NLRP11: variants seen among roughly 807,000 people sequenced by gnomAD.
NLRP11 encodes the protein NACHT, LRR and PYD domains-containing protein 11.
Under a neutral mutation model 79.3 loss-of-function variants are expected in NLRP11, and 53 were observed. The observed-to-expected ratio is 0.67, with a 90% CI of 0.54 to 0.84. NLRP11 has a LOEUF of 0.84. Among genes scored for constraint, NLRP11 ranks in the 40% least tolerant of loss-of-function variants. The probability of loss-of-function intolerance (pLI) is 0.00; values close to 1 mark genes in which losing one functional copy is unlikely to be tolerated. For synonymous variants in NLRP11, 518 were observed against 462.6 expected (o/e 1.12, Z -1.54); for missense variants, 1,264 against 1,255.0 (o/e 1.01, Z -0.11).
chr19:55,800,253 T>C (rs188103930), intron 5 of NLRP11, among the ~76,000 whole-genome samples: 10 of 152,332 alleles, frequency 6.6e-5, no homozygotes, highest in Admixed American at 5.2e-4. Context: ...GTGGCTAGCA[T>C]GACTGAGGCA....
chr19:55,829,972 T>C (rs1479660308), intron 1 of NLRP11, among the ~76,000 whole-genome samples: 1 of 152,222 alleles, frequency 6.6e-6, no homozygotes, highest in Non-Finnish European at 1.5e-5. Context: ...ATATCTGACT[T>C]TAATTTTTTA....
chr19:55,830,178 C>G (rs117195519), intron 1 of NLRP11, among the ~76,000 whole-genome samples: 5 of 152,184 alleles, frequency 3.3e-5, no homozygotes, highest in East Asian at 1.9e-4. Flanking sequence ...GTTTTTCCCC[C>G]CTAAGTGAAC....
chr19:55,807,454 C>T (rs968861776), intron 4 of NLRP11, among the ~76,000 whole-genome samples: 1 of 152,010 alleles, frequency 6.6e-6, no homozygotes, highest in Non-Finnish European at 1.5e-5. Flanking sequence ...TTCCTGATTC[C>T]AAGAGACTAC....
intron 2 of NLRP11, among the ~76,000 whole-genome samples, chr19:55,812,581 G>A (rs1980708151): frequency 2.0e-5 from 3 of 152,176 alleles, no homozygotes; most frequent in African/African-American, 4.8e-5. Context: ...ATATTATCAA[G>A]AAGACAAACG....
At chr19:55,823,094 GGTCC>G (rs1981954175) in intron 1 of NLRP11, among the ~76,000 whole-genome samples, 2 of 147,344 alleles carry the variant, frequency 1.4e-5, no homozygotes, top group Non-Finnish European at 3.0e-5. Context: ...TCCTCAAGTG[GGTCC>G]CTGACCCCTG....
chr19:55,836,375 A>G (rs537689855), upstream of NLRP11: 1 of 152,240 alleles, frequency 6.6e-6, no homozygotes, highest in South Asian at 2.1e-4. Context: ...CGACACCAGG[A>G]GCAAAGGTCT....
intron 4 of NLRP11, among the ~76,000 whole-genome samples, chr19:55,805,788 C>T (rs1028340446): frequency 6.6e-6 from 1 of 152,158 alleles, no homozygotes; most frequent in Non-Finnish European, 1.5e-5. Flanking sequence ...GATCCACCCG[C>T]CTCAGCCTCT....
At position 55,808,466 on chromosome 19, in the gene NLRP11, G is replaced by A. The variant is rs558630501; in HGVS notation, c.1841+303C>T. On this transcript the variant is annotated intron_variant, in intron 3 of 9. Transcript: ENST00000589093. ...TAAGATTTTTGTTGCTGTCACAAAC[G>A]GGGAAAAGGGGACCCTACTGGCCAC... is the stretch of plus-strand genomic sequence containing the variant. Among the ~76,000 whole-genome samples, 26 of 151,862 alleles carry A rather than the reference G, an allele frequency of 1.7e-4. 1 individual carries two copies. In the East Asian group the frequency reaches 4.4e-3, roughly 26 times the overall value.
At chr19:55,804,426 T>TA (rs1273702286) in intron 4 of NLRP11, among the ~76,000 whole-genome samples, 15 of 150,180 alleles carry the variant, frequency 1.0e-4, no homozygotes, top group Non-Finnish European at 1.6e-4. Flanking sequence ...TATGCAGCCA[T>TA]AAAAAAGAGA....
intron 1 of NLRP11, among the ~76,000 whole-genome samples, chr19:55,828,205 G>A (rs984433313): frequency 6.8e-6 from 1 of 147,552 alleles, no homozygotes; most frequent in African/African-American, 2.5e-5. Flanking sequence ...TCATAGGTGG[G>A]AATTGAACAA....
chr19:55,811,527 TC>T (rs150108517), intron 2 of NLRP11, among the ~76,000 whole-genome samples: 13 of 151,650 alleles, frequency 8.6e-5, no homozygotes, highest in South Asian at 2.1e-4. Flanking sequence ...GCACACTGGC[TC>T]CCCCCCAGTG....
chr19:55,809,961 T>C lies in NLRP11; in HGVS notation c.649A>G (p.Ile217Val). 6.2e-7 allele frequency: 1 copy of C among 1,614,202 alleles called. No homozygotes were observed. Among genetic ancestry groups the C allele is most frequent in the Non-Finnish European group, 8.5e-7 (1 of 1,180,028 alleles). ...AGGAGTTTCTTGGGATCAGACAGGA[T>C]GTCTGCAATGGGAGCCTGGCCGTCA... The change falls in exon 3 of 10, where the codon ATC (isoleucine) becomes GTC (valine). Residue 217 changes from isoleucine to valine, a missense_variant. Coordinates refer to ENST00000589093, the Ensembl canonical transcript of NLRP11. The surrounding 1 kb of genome is among the most constrained non-coding windows in gnomAD (Gnocchi z 4.5).
chr19:55,817,850 A>G (rs1455433312), intron 2 of NLRP11, 54 bp downstream of exon 2: 2 of 1,360,352 alleles, frequency 1.5e-6, no homozygotes, highest in African/African-American at 1.5e-5. Context: ...CCCAACACCC[A>G]GCTTCCTGTG....
chr19:55,808,473 A>G (rs1213473129), intron 3 of NLRP11, among the ~76,000 whole-genome samples: 3 of 152,152 alleles, frequency 2.0e-5, no homozygotes, highest in Non-Finnish European at 4.4e-5. Flanking sequence ...AACGGGGAAA[A>G]GGGGACCCTA....
intron 1 of NLRP11, among the ~76,000 whole-genome samples, chr19:55,822,056 C>G (rs962170722): frequency 2.0e-5 from 3 of 152,012 alleles, no homozygotes; most frequent in Non-Finnish European, 4.4e-5. Flanking sequence ...GTCAGGAGTC[C>G]GAGACTAGCC....
chr19:55,813,705 A>C (rs1180570323), intron 2 of NLRP11, among the ~76,000 whole-genome samples: 1 of 152,210 alleles, frequency 6.6e-6, no homozygotes, highest in African/African-American at 2.4e-5. Context: ...GATGATCAAG[A>C]GAAGCAGGAA....
chr19:55,811,470 C>T (rs1011447780), intron 2 of NLRP11, among the ~76,000 whole-genome samples: 1 of 152,060 alleles, frequency 6.6e-6, no homozygotes, highest in Non-Finnish European at 1.5e-5. Flanking sequence ...CAATGATGAA[C>T]AGCTGCAGCA....
At chr19:55,819,638 A>G (rs1045909102) in intron 1 of NLRP11, among the ~76,000 whole-genome samples, 13 of 152,200 alleles carry the variant, frequency 8.5e-5, no homozygotes, top group African/African-American at 2.9e-4. Context: ...GACACAGAGA[A>G]CAAGGGATAA....
chr19:55,809,759 T>G lies in NLRP11; in HGVS notation c.851A>C (p.Asn284Thr). 1.2e-6 allele frequency: 2 copies of G among 1,614,234 alleles called. No individual in the cohort carries two copies. Among genetic ancestry groups the G allele is most frequent in the Middle Eastern group, 1.6e-4 (1 of 6,062 alleles). ...TACCTCTTTCAAGAACGTTTTTACATTATTCCCACGTGTGGGCCTTGAGGA... is the reference window on the plus strand; with the variant it reads ...TACCTCTTTCAAGAACGTTTTTACAGTATTCCCACGTGTGGGCCTTGAGGA... The change falls in exon 3 of 10, where the codon AAT (asparagine) becomes ACT (threonine). Residue 284 changes from asparagine to threonine, a missense_variant. Asn to Thr is a moderately conservative substitution (Grantham distance 65). Coordinates refer to ENST00000589093, the Ensembl canonical transcript of NLRP11. This position sits in a 1 kb window ranked among gnomAD's most constrained non-coding sequence, Gnocchi z 4.5.
Sources: allele counts gnomAD v4.1 joint callset (sites outside exome capture counted in the v4.1 genomes callset), GRCh38; gene constraint gnomAD v4.1.1; non-coding constraint Gnocchi (gnomAD v3.1); transcripts MANE v1.5; gene names NCBI Gene and HGNC (gene_info 2026-07-23, HGNC 2026-07-21).